Variants in TENM4 observed in about 807,000 individuals in gnomAD.
The protein encoded by TENM4 is teneurin-4.
A neutral mutation model predicts 243.3 loss-of-function variants in TENM4; 82 were observed. The ratio of observed to expected loss-of-function variants is 0.34; its 90% CI spans 0.28 to 0.40. The LOEUF is 0.40. Among genes scored for constraint, TENM4 ranks in the 10% least tolerant of loss-of-function variants. TENM4 has a pLI of 1.00. For synonymous variants in TENM4, 1,412 were observed against 1,456.3 expected (o/e 0.97, Z 0.69); for missense variants, 3,138 against 3,673.3 (o/e 0.85, Z 3.77).
At chr11:78,843,449 T>C (rs2725807) in intron 12 of TENM4, among the ~76,000 whole-genome samples, 58,764 of 151,832 alleles carry the variant, frequency 0.39, 11,999 homozygotes, top group Middle Eastern at 0.53. Flanking sequence ...ATTGTGCCAC[T>C]GGACTCCAGC....
At chr11:79,283,669 C>G (rs1236570986) in intron 2 of TENM4, among the ~76,000 whole-genome samples, 1 of 152,176 alleles carries the variant, frequency 6.6e-6, no homozygotes, top group Non-Finnish European at 1.5e-5. Flanking sequence ...GGTGACTGCT[C>G]TCATCACTTC....
At chr11:79,414,865 C>T (rs1858779438) in intron 1 of TENM4, among the ~76,000 whole-genome samples, 1 of 152,186 alleles carries the variant, frequency 6.6e-6, no homozygotes, top group Admixed American at 6.5e-5. Context: ...GAACCTAAAA[C>T]TCGGGCAGAA....
intron 6 of TENM4, among the ~76,000 whole-genome samples, chr11:79,002,835 A>G (rs1306825833): frequency 6.6e-6 from 1 of 152,236 alleles, no homozygotes; most frequent in Non-Finnish European, 1.5e-5. Flanking sequence ...AGAATTCACA[A>G]TATGCATAGG....
intron 1 of TENM4, among the ~76,000 whole-genome samples, chr11:79,391,479 T>C (rs186092802): frequency 2.0e-5 from 3 of 152,198 alleles, no homozygotes; most frequent in Non-Finnish European, 4.4e-5. Flanking sequence ...TGCAGTCTCA[T>C]ACAGGCAATC....
intron 4 of TENM4, among the ~76,000 whole-genome samples, chr11:79,114,857 C>T (rs1861585731): frequency 6.6e-6 from 1 of 152,164 alleles, no homozygotes; most frequent in African/African-American, 2.4e-5. Context: ...GAAACCCTGC[C>T]ATATGTGCAG....
intron 4 of TENM4, among the ~76,000 whole-genome samples, chr11:79,079,676 A>G (rs1860616821): frequency 6.6e-6 from 1 of 152,030 alleles, no homozygotes; most frequent in South Asian, 2.1e-4. Context: ...GAAATATACA[A>G]GAATTAGCTG....
intron 3 of TENM4, among the ~76,000 whole-genome samples, chr11:79,163,568 A>G (rs887033983): frequency 1.3e-5 from 2 of 151,742 alleles, no homozygotes; most frequent in Non-Finnish European, 2.9e-5. Context: ...TGAGTCCCCA[A>G]AGTCCATTGT....
chr11:78,664,098 G>T (rs746780732), intron 32 of TENM4, among the ~76,000 whole-genome samples: 19 of 152,166 alleles, frequency 1.2e-4, no homozygotes, highest in Non-Finnish European at 1.5e-4. Flanking sequence ...TGTGAACTCC[G>T]ACAGTTTACT....
chr11:79,138,624 CAT>C (rs1269990034), intron 4 of TENM4, among the ~76,000 whole-genome samples: 4 of 92,352 alleles, frequency 4.3e-5, no homozygotes, highest in Non-Finnish European at 5.9e-5. Context: ...ATACATAAAA[CAT>C]ATATTATATT....
Position 78,668,925 on chromosome 11 carries a change from C to T in TENM4, c.7408+12G>A, listed in dbSNP as rs762487235. 2.1e-5 allele frequency: 33 copies of T among 1,605,228 alleles called. No individual in the cohort carries two copies. Among genetic ancestry groups the T allele is most frequent in the South Asian group, 1.1e-4 (10 of 90,406 alleles). On this transcript the variant is annotated intron_variant, in intron 32 of 33. Coordinates refer to ENST00000278550, the MANE Select transcript of TENM4 (RefSeq NM_001098816.3). ...TATGGGGTCCTGCCCCTGAGTGAGCCGTGGTCCTTACCTGTCATGAAGCAC... is the reference window on the plus strand; with the variant it reads ...TATGGGGTCCTGCCCCTGAGTGAGCTGTGGTCCTTACCTGTCATGAAGCAC...
At chr11:79,330,392 T>C (rs1032568598) in intron 1 of TENM4, among the ~76,000 whole-genome samples, 1 of 152,180 alleles carries the variant, frequency 6.6e-6, no homozygotes, top group Admixed American at 6.5e-5. Context: ...CCCTGCCTTC[T>C]AGAATCCTGA....
At chr11:79,169,799 A>G (rs1015126637) in intron 3 of TENM4, among the ~76,000 whole-genome samples, 8 of 152,250 alleles carry the variant, frequency 5.3e-5, no homozygotes, top group African/African-American at 1.9e-4. Flanking sequence ...TTGAGCATGC[A>G]TAAGGAGCTG....
intron 1 of TENM4, among the ~76,000 whole-genome samples, chr11:79,327,491 T>C (rs1856992665): frequency 6.6e-6 from 1 of 152,192 alleles, no homozygotes; most frequent in South Asian, 2.1e-4. Context: ...GCTCATTGAA[T>C]TTAAGTCAAT....
intron 12 of TENM4, among the ~76,000 whole-genome samples, chr11:78,835,606 C>T (rs1291896082): frequency 6.6e-6 from 1 of 152,196 alleles, no homozygotes; most frequent in Admixed American, 6.5e-5. Context: ...TTTTCTGGCT[C>T]TTCCTCTAAT....
chr11:78,767,278 A>G (rs1354681923), intron 18 of TENM4, among the ~76,000 whole-genome samples: 1 of 152,232 alleles, frequency 6.6e-6, no homozygotes, highest in African/African-American at 2.4e-5. Context: ...TCATGAGGGA[A>G]TAGTAAGTGG....
intron 6 of TENM4, among the ~76,000 whole-genome samples, chr11:78,911,722 G>C (rs77827346): frequency 0.034 from 5,151 of 152,252 alleles, 99 homozygotes; most frequent in African/African-American, 0.044. Flanking sequence ...CTCACCATGT[G>C]ATGTCTTCTG....
At chr11:79,142,088 T>C (rs557373375) in intron 4 of TENM4, among the ~76,000 whole-genome samples, 124 of 152,218 alleles carry the variant, frequency 8.1e-4, no homozygotes, top group African/African-American at 2.9e-3. Context: ...GTAACAATGA[T>C]GCCCACTCTT....
At chr11:79,047,639 G>C (rs937966775) in intron 6 of TENM4, among the ~76,000 whole-genome samples, 2 of 152,120 alleles carry the variant, frequency 1.3e-5, no homozygotes, top group South Asian at 4.1e-4. Flanking sequence ...CTAACAGCTC[G>C]GCAGCACTTC....
chr11:78,984,672 A>ACTG (rs766202316), intron 6 of TENM4, among the ~76,000 whole-genome samples: 2 of 152,176 alleles, frequency 1.3e-5, no homozygotes, highest in African/African-American at 4.8e-5. Flanking sequence ...TACTGTCATT[A>ACTG]CTGCTGCTGC....
Sources: allele counts gnomAD v4.1 joint callset (sites outside exome capture counted in the v4.1 genomes callset), GRCh38; gene constraint gnomAD v4.1.1; transcripts MANE v1.5; gene names NCBI Gene and HGNC (gene_info 2026-07-23, HGNC 2026-07-21).